Variants in STK32B observed in about 807,000 individuals in gnomAD.
STK32B encodes the protein serine/threonine-protein kinase 32B.
A neutral mutation model predicts 52.6 loss-of-function variants in STK32B; 43 were observed. The ratio of observed to expected loss-of-function variants is 0.82; its 90% CI spans 0.64 to 1.05. The LOEUF (loss-of-function observed/expected upper bound fraction) is 1.05. STK32B is among the 50% of genes least tolerant of loss of function. The pLI is 0.00. For missense variants in STK32B, 621 were observed against 534.6 expected, an observed-to-expected ratio of 1.16 and a Z score of -1.59; for synonymous variants, 238 against 204.3, an observed-to-expected ratio of 1.17 and a Z score of -1.41.
At chr4:5,312,777 T>C (rs1730392412) in intron 3 of STK32B, among the ~76,000 whole-genome samples, 1 of 152,018 alleles carries the variant, frequency 6.6e-6, no homozygotes, top group South Asian at 2.1e-4. Flanking sequence ...AGCAGCATGA[T>C]TTATAGTCCT....
chr4:5,182,489 T>TTG, intron 3 of STK32B, among the ~76,000 whole-genome samples: 1 of 151,340 alleles, frequency 6.6e-6, no homozygotes, highest in South Asian at 2.1e-4. Context: ...TGAGACAGAG[T>TTG]CTCGCACTGT....
At chr4:5,317,323 A>G (rs1248475272) in intron 3 of STK32B, among the ~76,000 whole-genome samples, 1 of 82,690 alleles carries the variant, frequency 1.2e-5, no homozygotes, top group Non-Finnish European at 1.8e-5. Flanking sequence ...TATGTATAAT[A>G]TATATTACAT....
chr4:5,465,981 C>T (rs1402198984), intron 9 of STK32B, among the ~76,000 whole-genome samples: 4 of 152,178 alleles, frequency 2.6e-5, no homozygotes, highest in African/African-American at 9.7e-5. Context: ...AGTCATGAAA[C>T]TTACAAGATC....
At chr4:5,180,619 A>G (rs1170676966) in intron 3 of STK32B, among the ~76,000 whole-genome samples, 2 of 152,162 alleles carry the variant, frequency 1.3e-5, no homozygotes, top group African/African-American at 4.8e-5. Flanking sequence ...CCCAACCAGA[A>G]GAGGACACAG....
intron 4 of STK32B, among the ~76,000 whole-genome samples, chr4:5,340,682 GACAATGAATCAAGTTTATTAA>G (rs1733015553): frequency 6.6e-6 from 1 of 152,166 alleles, no homozygotes; most frequent in Non-Finnish European, 1.5e-5. Flanking sequence ...TAACAACAGT[GACAATGAATCAAGTTTATTAA>G]ACAATGAATC....
chr4:5,243,431 A>G (rs1457488204), intron 3 of STK32B, among the ~76,000 whole-genome samples: 2 of 152,208 alleles, frequency 1.3e-5, no homozygotes, highest in Non-Finnish European at 2.9e-5. Flanking sequence ...TTGATTCTGT[A>G]TCCTCAGACT....
intron 6 of STK32B, among the ~76,000 whole-genome samples, chr4:5,439,329 G>T (rs62299776): frequency 0.39 from 58,310 of 149,304 alleles, 12,094 homozygotes; most frequent in Non-Finnish European, 0.44. Flanking sequence ...ATTGTGGTTT[G>T]GATTTGCATT....
chr4:5,407,685 A>G lies in STK32B; in HGVS notation c.473-9160A>G, dbSNP rs992016820. Among the ~76,000 whole-genome samples, 14 of 152,152 alleles carry G rather than the reference A, an allele frequency of 9.2e-5. No individual in the cohort carries two copies. The East Asian group carries it at 2.7e-3, about 29-fold the overall frequency. On this transcript the variant is annotated intron_variant, in intron 5 of 11. Transcript: ENST00000282908. ...GGGAGAAGTGCTACACACTTTTATA[A>G]AACAGTCAGATCTTGTGGGAACTCA... is the stretch of plus-strand genomic sequence containing the variant.
chr4:5,053,869 C>T (rs941402363), intron 1 of STK32B, among the ~76,000 whole-genome samples: 1 of 152,076 alleles, frequency 6.6e-6, no homozygotes, highest in Non-Finnish European at 1.5e-5. Flanking sequence ...ATCCCAGCTA[C>T]TCAGGAGGCT....
chr4:5,237,416 C>G (rs1214964057), intron 3 of STK32B, among the ~76,000 whole-genome samples: 1 of 152,192 alleles, frequency 6.6e-6, no homozygotes, highest in Non-Finnish European at 1.5e-5. Context: ...ATGCTTCCAT[C>G]TCATTTATTG....
intron 3 of STK32B, among the ~76,000 whole-genome samples, chr4:5,316,731 A>C (rs1353730772): frequency 1.1e-4 from 1 of 9,140 alleles, no homozygotes; most frequent in Non-Finnish European, 1.5e-4. Context: ...TATATTATAT[A>C]ATATCTTATA....
rs543856759 is a variant in STK32B at position 5,236,422 on chromosome 4, T to C, written c.260+67972T>C. Among the ~76,000 whole-genome samples the C allele has an allele frequency of 1.9e-4, 29 of 152,280 alleles. 1 individual carries two copies. The South Asian group carries it at 5.6e-3, about 29-fold the overall frequency. ...GTACGGCTTAAAGAATTTTCAAACA[T>C]TGAACACACTCATGCCCAAACGGGA... is the stretch of plus-strand genomic sequence containing the variant. On this transcript the variant is annotated intron_variant, in intron 3 of 11. Coordinates refer to ENST00000282908, the MANE Select transcript of STK32B (RefSeq NM_018401.3).
chr4:5,350,206 G>A (rs1160425445), intron 4 of STK32B, among the ~76,000 whole-genome samples: 1 of 152,124 alleles, frequency 6.6e-6, no homozygotes, highest in African/African-American at 2.4e-5. Context: ...ATTAAAAACA[G>A]CAAGAGAACA....
At chr4:5,392,717 A>G (rs1285928140) in intron 4 of STK32B, among the ~76,000 whole-genome samples, 1 of 152,194 alleles carries the variant, frequency 6.6e-6, no homozygotes, top group Non-Finnish European at 1.5e-5. Context: ...AGCAATACCT[A>G]TCTCTAAGAG....
chr4:5,448,221 T>A (rs987595424), intron 7 of STK32B, among the ~76,000 whole-genome samples: 1 of 152,256 alleles, frequency 6.6e-6, no homozygotes. Context: ...ATTCTTAGAA[T>A]TCAAAGAAAA....
At chr4:5,152,521 A>G (rs1322403744) in intron 2 of STK32B, among the ~76,000 whole-genome samples, 1 of 152,264 alleles carries the variant, frequency 6.6e-6, no homozygotes, top group African/African-American at 2.4e-5. Context: ...AAAGGAAGGC[A>G]GCCAATAAAG....
chr4:5,288,327 T>G (rs1428630584), intron 3 of STK32B, among the ~76,000 whole-genome samples: 1 of 152,172 alleles, frequency 6.6e-6, no homozygotes, highest in Non-Finnish European at 1.5e-5. Flanking sequence ...TTCTGACTGT[T>G]TTTACAGTGG....
At chr4:5,071,836 T>C (rs1278676298) in intron 1 of STK32B, among the ~76,000 whole-genome samples, 1 of 152,220 alleles carries the variant, frequency 6.6e-6, no homozygotes, top group African/African-American at 2.4e-5. Flanking sequence ...TCAGAACTTT[T>C]ATTTTACCAA....
chr4:5,445,766 A>G (rs1408788726), intron 6 of STK32B, among the ~76,000 whole-genome samples: 2 of 152,060 alleles, frequency 1.3e-5, no homozygotes, highest in Non-Finnish European at 2.9e-5. Flanking sequence ...GTTCCAACCC[A>G]TTTGTTTTCA....
Sources: allele counts gnomAD v4.1 joint callset (sites outside exome capture counted in the v4.1 genomes callset), GRCh38; gene constraint gnomAD v4.1.1; transcripts MANE v1.5; gene names NCBI Gene and HGNC (gene_info 2026-07-23, HGNC 2026-07-21).